Variants in DACH2 observed in about 807,000 individuals in gnomAD.
DACH2 encodes the protein dachshund homolog 2.
Under a neutral mutation model 35.8 loss-of-function variants are expected in DACH2, and 17 were observed. The observed-to-expected ratio is 0.48, with a 90% CI of 0.33 to 0.71. DACH2 has a LOEUF of 0.71. Ranked by LOEUF, DACH2 falls within the 30% of genes least tolerant of loss-of-function variation. The pLI is 0.02. For missense variants in DACH2, 469 were observed against 472.7 expected, an observed-to-expected ratio of 0.99 and a Z score of 0.07; for synonymous variants, 195 against 177.3, an observed-to-expected ratio of 1.10 and a Z score of -0.79.
intron 1 of DACH2, among the ~76,000 whole-genome samples, chrX:86,293,792 A>T (rs878932983): frequency 9.0e-6 from 1 of 111,564 alleles, no homozygotes; most frequent in Admixed American, 9.5e-5. Context: ...CCGAGAGATC[A>T]GCTGTTAGTC....
rs775003213 is a variant in DACH2, at chrX:86,795,387, C to T, written c.1241-17469C>T. ...TAACTGGGACTACAGGCACGTGCCA[C>T]CACGCCCGGCCGATTTTTTGTATTT... On this transcript the variant is annotated intron_variant, in intron 7 of 11. Transcript: ENST00000373125. Among the ~76,000 whole-genome samples, 5 of 110,019 alleles carry T rather than the reference C, an allele frequency of 4.5e-5. No homozygotes were observed. In the South Asian group the frequency reaches 2.0e-3, roughly 44 times the overall value.
At chrX:86,587,013 A>AT (rs946903030) in intron 3 of DACH2, among the ~76,000 whole-genome samples, 2 of 111,974 alleles carry the variant, frequency 1.8e-5, no homozygotes, top group African/African-American at 6.5e-5. Context: ...TGGAATGGCC[A>AT]TTTTAACAAT....
chrX:86,166,872 T>G (rs190558805), intron 1 of DACH2, among the ~76,000 whole-genome samples: 159 of 111,967 alleles, frequency 1.4e-3, no homozygotes, highest in African/African-American at 4.8e-3. Flanking sequence ...AAACGATTGA[T>G]TTGTATATGC....
intron 7 of DACH2, among the ~76,000 whole-genome samples, chrX:86,794,225 C>T (rs2042214118): frequency 9.1e-6 from 1 of 110,307 alleles, no homozygotes; most frequent in African/African-American, 3.3e-5. Context: ...AACAGTATTG[C>T]AAAAAGACAC....
intron 4 of DACH2, among the ~76,000 whole-genome samples, chrX:86,653,531 A>T (rs2040502876): frequency 9.0e-6 from 1 of 111,149 alleles, no homozygotes; most frequent in Non-Finnish European, 1.9e-5. Flanking sequence ...TATTTTAACA[A>T]TATTGATTCT....
chrX:86,367,730 T>C (rs2035826756), intron 1 of DACH2, among the ~76,000 whole-genome samples: 1 of 111,753 alleles, frequency 8.9e-6, no homozygotes, highest in African/African-American at 3.3e-5. Flanking sequence ...CCTTGTTCAG[T>C]GTTTTTCTGT....
chrX:86,465,560 G>A (rs1006059131), intron 2 of DACH2, among the ~76,000 whole-genome samples: 3 of 111,888 alleles, frequency 2.7e-5, no homozygotes, highest in Non-Finnish European at 3.8e-5. Context: ...GGAATATCAA[G>A]TTGATGACTC....
intron 3 of DACH2, among the ~76,000 whole-genome samples, chrX:86,546,627 G>T (rs2038978668): frequency 2.0e-5 from 2 of 101,321 alleles, no homozygotes; most frequent in Admixed American, 2.2e-4. Flanking sequence ...CGATTCTCCT[G>T]CCTCAGCCTC....
intron 1 of DACH2, among the ~76,000 whole-genome samples, chrX:86,272,199 AGTGTGTGTGT>A (rs139733313): frequency 1.0e-5 from 1 of 100,453 alleles, no homozygotes; most frequent in Non-Finnish European, 2.0e-5. Flanking sequence ...TTCCTTTGAG[AGTGTGTGTGT>A]GTGTGTGTGT....
rs181978086 is a variant in DACH2, at chrX:86,688,493, G to A, written c.773-6528G>A. On this transcript the variant is annotated intron_variant, in intron 4 of 11. Transcript: ENST00000373125. Reference sequence around the variant, plus strand: ...TTGGCCACTTAAGCACAGAGTGAATGGTTAAAGAGATGATAATGATACTTT... The same window carrying A: ...TTGGCCACTTAAGCACAGAGTGAATAGTTAAAGAGATGATAATGATACTTT... Among the ~76,000 whole-genome samples, 3 of 111,710 alleles carry A rather than the reference G, an allele frequency of 2.7e-5. No individual in the cohort carries two copies. The Admixed American group carries it at 2.9e-4, about 11-fold the overall frequency.
intron 1 of DACH2, among the ~76,000 whole-genome samples, chrX:86,222,426 G>A (rs1175242506): frequency 8.9e-6 from 1 of 111,980 alleles, no homozygotes; most frequent in Admixed American, 9.5e-5. Flanking sequence ...CAGCACATGA[G>A]CAAATAACCT....
chrX:86,531,660 A>AG (rs200097247), intron 3 of DACH2, among the ~76,000 whole-genome samples: 5,660 of 112,646 alleles, frequency 0.05, 120 homozygotes, highest in Middle Eastern at 0.11. Flanking sequence ...AGTCTGCTAC[A>AG]GGGCAGAGCC....
chrX:86,819,640 T>C (rs1602989040), intron 11 of DACH2, among the ~76,000 whole-genome samples: 1 of 111,742 alleles, frequency 8.9e-6, no homozygotes, highest in Non-Finnish European at 1.9e-5. Context: ...TTATAATCCT[T>C]TTACTCCCCA....
chrX:86,832,093 C>CA lies in DACH2; in HGVS notation c.1751-13_1751-12insA, dbSNP rs1556421387. On this transcript the variant is annotated splice_polypyrimidine_tract_variant and intron_variant, in intron 11 of 11. Coordinates refer to ENST00000373125, the MANE Select transcript of DACH2 (RefSeq NM_053281.3). ...CTCTTCATAAGAACTAACTTGTTTT[C>CA]TTTTTTTTTAAGGAGGTAACTATTA... The CA allele has an allele frequency of 1.2e-4, 130 of 1,102,596 alleles. No individual in the cohort carries two copies. The highest frequency in any genetic ancestry group is 8.6e-6 in the Non-Finnish European group (7 of 812,153). The allele number at this position is 1,102,596 out of a possible 1,213,427, so 90.9% of individuals were successfully genotyped here.
chrX:86,698,211 C>T (rs1412498201), intron 5 of DACH2, among the ~76,000 whole-genome samples: 1 of 109,395 alleles, frequency 9.1e-6, no homozygotes, highest in Non-Finnish European at 1.9e-5. Flanking sequence ...AAATGTATAC[C>T]CCTACTATCT....
intron 1 of DACH2, among the ~76,000 whole-genome samples, chrX:86,196,081 G>A (rs1602273397): frequency 9.0e-6 from 1 of 111,317 alleles, no homozygotes; most frequent in East Asian, 2.8e-4. Context: ...GTTCTGAACT[G>A]GGCTGAGATG....
At chrX:86,445,863 T>C (rs73631944) in intron 2 of DACH2, among the ~76,000 whole-genome samples, 1,264 of 111,427 alleles carry the variant, frequency 0.011, 18 homozygotes, top group African/African-American at 0.039. Flanking sequence ...TTCATTTAGG[T>C]CCATTTGGAT....
intron 1 of DACH2, among the ~76,000 whole-genome samples, chrX:86,316,707 G>A (rs748627062): frequency 3.8e-4 from 42 of 111,312 alleles, no homozygotes; most frequent in African/African-American, 1.3e-3. Context: ...TCCTGAGGTC[G>A]ATCTCAGTGT....
chrX:86,382,458 T>TCACACACA (rs2036059493), intron 2 of DACH2, among the ~76,000 whole-genome samples: 2 of 58,541 alleles, frequency 3.4e-5, no homozygotes, highest in African/African-American at 2.1e-4. Context: ...TATGCTACAT[T>TCACACACA]CATACACACA....
Sources: allele counts gnomAD v4.1 joint callset (sites outside exome capture counted in the v4.1 genomes callset), GRCh38; gene constraint gnomAD v4.1.1; transcripts MANE v1.5; gene names NCBI Gene and HGNC (gene_info 2026-07-23, HGNC 2026-07-21).